Variants in FAM50B observed in about 807,000 individuals in gnomAD.
The protein encoded by FAM50B is family with sequence similarity 50 member B.
FAM50B carries 9 observed loss-of-function variants against 25.4 expected under a neutral mutation model. The observed-to-expected ratio is 0.35, with a 90% CI of 0.21 to 0.62. FAM50B has a LOEUF of 0.62. Among genes scored for constraint, FAM50B ranks in the 20% least tolerant of loss-of-function variants. The pLI, the probability that FAM50B is intolerant of heterozygous loss-of-function variation, is 0.73. For synonymous variants in FAM50B, 212 were observed against 204.3 expected (o/e 1.04, Z -0.32); for missense variants, 372 against 477.9 (o/e 0.78, Z 2.07).
the FAM50B span, among the ~76,000 whole-genome samples, chr6:3,843,763 T>C: frequency 1.3e-5 from 2 of 152,186 alleles, no homozygotes; most frequent in Admixed American, 1.3e-4. Context: ...AAGCGTGCAA[T>C]AATATTATCT....
At position 3,850,433 on chromosome 6, in the gene FAM50B, A is replaced by C; in HGVS notation, c.622A>C (p.Thr208Pro). 1 of 1,613,440 alleles carries C rather than the reference A, an allele frequency of 6.2e-7. No individual in the cohort carries two copies. The highest frequency in any genetic ancestry group is 8.5e-7 in the Non-Finnish European group (1 of 1,179,934). The change falls in exon 2 of 2, where the codon ACG becomes CCG. Residue 208 changes from threonine to proline, a missense_variant. Thr to Pro is a conservative substitution (Grantham distance 38). This residue lies in a region of FAM50B where 224 missense variants were observed against 232.2 expected (regional missense o/e 0.96). Transcript: ENST00000648326. ...RRTVRVRKGNTVQQFLKKALQ... is the reference protein window; with the variant it reads ...RRTVRVRKGNPVQQFLKKALQ... ...CACGGTGCGGGTGCGCAAGGGCAAC[A>C]CGGTGCAGCAGTTCCTGAAGAAGGC...
chr6:3,833,789 G>C, the FAM50B span: 2 of 152,062 alleles, frequency 1.3e-5, no homozygotes, highest in African/African-American at 4.8e-5. Context: ...GCAGAAAGAG[G>C]GATGGCGAGA....
Position 3,850,774 on chromosome 6 carries a change from G to A in FAM50B, c.963G>A (p.Lys321=), listed in dbSNP as rs772287009. Residue 321 remains lysine, a synonymous_variant, in exon 2 of 2, where the codon AAG becomes AAA. Coordinates refer to ENST00000648326, the MANE Select transcript of FAM50B (RefSeq NM_012135.3). ...EAYDPEKKWD[K]YTIR is the part of the protein sequence containing the mutation. ...ATGACCCCGAGAAGAAGTGGGACAA[G>A]TACACCATCCGCTAACACCCGCCTG... 12 of 1,613,718 alleles carry A rather than the reference G, an allele frequency of 7.4e-6. No homozygotes were observed. Among genetic ancestry groups the A allele is most frequent in the Admixed American group, 6.7e-5 (4 of 60,010 alleles).
At chr6:3,839,642 T>C in the FAM50B span, among the ~76,000 whole-genome samples, 11,122 of 152,230 alleles carry the variant, frequency 0.073, 799 homozygotes, top group African/African-American at 0.17. Context: ...ATATTTCAAT[T>C]TTGTTAAAAT....
rs1762166986 is a variant in FAM50B, at chr6:3,849,374, C to G, written c.-136C>G. 6.3e-6 allele frequency: 1 copy of G among 158,684 alleles called. No individual in the cohort carries two copies. Among genetic ancestry groups the G allele is most frequent in the African/African-American group, 2.4e-5 (1 of 41,608 alleles). The allele number at this position is 158,684 out of a possible 1,614,324, so 9.8% of individuals were successfully genotyped here. ...CCCGCCAGGGGGCGCACCGCCTCCA[C>G]TTCCTGTGTCCACGGCTGTCGCGAG... On this transcript the variant is annotated 5_prime_UTR_variant, in exon 1 of 2. Coordinates refer to ENST00000648326, the MANE Select transcript of FAM50B (RefSeq NM_012135.3).
the FAM50B span, among the ~76,000 whole-genome samples, chr6:3,834,787 C>G: frequency 2.9e-4 from 44 of 152,020 alleles, no homozygotes; most frequent in African/African-American, 1.0e-3. Context: ...TAAAAAAGAT[C>G]AGGTAGGCCT....
chr6:3,838,840 C>CAAAAAA, the FAM50B span, among the ~76,000 whole-genome samples: 6 of 48,100 alleles, frequency 1.2e-4, no homozygotes, highest in South Asian at 7.5e-4. Flanking sequence ...GACTCCATCT[C>CAAAAAA]AAAAAAAAAA....
the FAM50B span, among the ~76,000 whole-genome samples, chr6:3,836,016 G>A: frequency 6.6e-6 from 1 of 152,148 alleles, no homozygotes; most frequent in Non-Finnish European, 1.5e-5. Context: ...AATGCCTAGT[G>A]TTGTCAGTGT....
At chr6:3,832,643 TCAATG>T in the FAM50B span, among the ~76,000 whole-genome samples, 3 of 152,132 alleles carry the variant, frequency 2.0e-5, no homozygotes, top group Non-Finnish European at 2.9e-5. Context: ...AGCTCTTGAA[TCAATG>T]CTTCCCCTGT....
At chr6:3,836,247 G>C in the FAM50B span, among the ~76,000 whole-genome samples, 1 of 152,170 alleles carries the variant, frequency 6.6e-6, no homozygotes, top group African/African-American at 2.4e-5. Context: ...CCTGGCCTTT[G>C]GTCTTGGCAA....
At chr6:3,848,595 C>T (rs1464208359), upstream of FAM50B, among the ~76,000 whole-genome samples, 1 of 151,878 alleles carries the variant, frequency 6.6e-6, no homozygotes, top group African/African-American at 2.4e-5. Context: ...TCACAACCAG[C>T]TTTTCCAAAC....
chr6:3,848,109 C>G (rs751665502), upstream of FAM50B, among the ~76,000 whole-genome samples: 3 of 152,166 alleles, frequency 2.0e-5, no homozygotes, highest in Non-Finnish European at 4.4e-5. Flanking sequence ...GCAAGAATTA[C>G]CAAAATGTGA....
the FAM50B span, among the ~76,000 whole-genome samples, chr6:3,840,608 G>A: frequency 6.6e-6 from 1 of 152,210 alleles, no homozygotes; most frequent in South Asian, 2.1e-4. Flanking sequence ...CTCAAAGGCC[G>A]GAACACGTTC....
chr6:3,832,738 C>T, the FAM50B span, among the ~76,000 whole-genome samples: 1 of 152,204 alleles, frequency 6.6e-6, no homozygotes, highest in Non-Finnish European at 1.5e-5. Context: ...GAATAGGATC[C>T]TCTAATTCTT....
At chr6:3,844,657 G>A (rs1762101618), upstream of FAM50B, among the ~76,000 whole-genome samples, 1 of 152,120 alleles carries the variant, frequency 6.6e-6, no homozygotes, top group South Asian at 2.1e-4. Flanking sequence ...GTTGCAGTGG[G>A]CCGAGATCGC....
chr6:3,834,926 A>C, the FAM50B span, among the ~76,000 whole-genome samples: 1 of 152,204 alleles, frequency 6.6e-6, no homozygotes, highest in East Asian at 1.9e-4. Flanking sequence ...ACAGTTAATA[A>C]TGGTTATCTT....
At chr6:3,837,775 A>G in the FAM50B span, among the ~76,000 whole-genome samples, 1 of 143,246 alleles carries the variant, frequency 7.0e-6, no homozygotes, top group African/African-American at 2.5e-5. Context: ...CACAAGAGAG[A>G]GCTGAACTGG....
At chr6:3,836,142 A>G in the FAM50B span, among the ~76,000 whole-genome samples, 1 of 152,204 alleles carries the variant, frequency 6.6e-6, no homozygotes, top group Admixed American at 6.5e-5. Flanking sequence ...AGAAAAAAAT[A>G]AAACAACACA....
At chr6:3,843,526 A>T in the FAM50B span, among the ~76,000 whole-genome samples, 3 of 152,198 alleles carry the variant, frequency 2.0e-5, no homozygotes, top group African/African-American at 7.2e-5. Context: ...AAATTGTGAC[A>T]TCTCTTAGGT....
Sources: gnomAD v4.1 joint callset for allele counts (sites outside exome capture counted in the v4.1 genomes callset) on GRCh38, gnomAD v4.1.1 for gene constraint, gnomAD v4.1.1 regional missense constraint, MANE v1.5 for transcripts, NCBI Gene and HGNC (gene_info 2026-07-23, HGNC 2026-07-21) for gene names.